CPT1A: variants seen among roughly 807,000 people sequenced by gnomAD.
CPT1A encodes carnitine O-palmitoyltransferase 1, liver isoform.
CPT1A carries 64 observed loss-of-function variants against 100.8 expected under a neutral mutation model. That is an observed-to-expected ratio of 0.63 (90% CI 0.52 to 0.78). The LOEUF is 0.78. CPT1A is among the 30% of genes least tolerant of loss of function. The pLI is 0.00. For missense variants in CPT1A, 802 were observed against 1,034.1 expected, an observed-to-expected ratio of 0.78 and a Z score of 3.08; for synonymous variants, 363 against 396.0, an observed-to-expected ratio of 0.92 and a Z score of 0.99.
At chr11:68,762,494 G>C in intron 15 of CPT1A, 133 bp downstream of exon 15, 1 of 1,128,886 alleles carries the variant, frequency 8.9e-7, no homozygotes, top group Non-Finnish European at 1.3e-6. Flanking sequence ...GCAGAGGAAA[G>C]AAGCTGAATT....
chr11:68,774,098 A>G (rs1855076832), intron 13 of CPT1A, among the ~76,000 whole-genome samples: 1 of 152,378 alleles, frequency 6.6e-6, no homozygotes, highest in Non-Finnish European at 1.5e-5. Context: ...CCTCAAGTCA[A>G]GAGGTCAAAC....
Position 68,775,414 on chromosome 11 carries a change from T to A in CPT1A, c.1477A>T (p.Ser493Cys). 6.2e-7 allele frequency: 1 copy of A among 1,614,082 alleles called. No individual in the cohort carries two copies. The highest frequency in any genetic ancestry group is 8.5e-7 in the Non-Finnish European group (1 of 1,179,880). The change falls in exon 13 of 19, where the codon AGC becomes TGC. Residue 493 changes from serine (S) to cysteine (C), a missense_variant. Physicochemically the swap from Ser to Cys is moderately radical, Grantham distance 112. This residue lies in a region of CPT1A where 627 missense variants were observed against 799.3 expected (regional missense o/e 0.78). Coordinates refer to ENST00000265641, the MANE Select transcript of CPT1A (RefSeq NM_001876.4). ...HLWEYVMSID[S>C]LQLGYAEDGH... Reference sequence around the variant, plus strand: ...TCCTCCGCATAGCCCAGCTGGAGGCTGTCAATGGACATGACGTACTGTCAA... The same window carrying A: ...TCCTCCGCATAGCCCAGCTGGAGGCAGTCAATGGACATGACGTACTGTCAA...
At chr11:68,812,246 G>A (rs1430841566) in intron 3 of CPT1A, among the ~76,000 whole-genome samples, 191 bp downstream of exon 3, 1 of 152,176 alleles carries the variant, frequency 6.6e-6, no homozygotes, top group East Asian at 1.9e-4. Context: ...AGGAAAGGCC[G>A]CAGGGGACCG....
Position 68,841,054 on chromosome 11 carries a change from C to G in CPT1A, c.-14+721G>C, listed in dbSNP as rs1351962700. Among the ~76,000 whole-genome samples the G allele has an allele frequency of 6.6e-6, 1 of 152,230 alleles. No homozygotes were observed. Among genetic ancestry groups the G allele is most frequent in the Non-Finnish European group, 1.5e-5 (1 of 68,038 alleles). On this transcript the variant is annotated intron_variant, in intron 1 of 18. Transcript: ENST00000265641. This position sits in a 1 kb window ranked among gnomAD's most constrained non-coding sequence, Gnocchi z 6.3. ...AGCGCTCGGACCGCGCCTGGAGTCC[C>G]TGCGCCAAGGGCGTGTCCCGACGGC...
chr11:68,796,174 T>C (rs1004916689), intron 7 of CPT1A, among the ~76,000 whole-genome samples: 2 of 152,094 alleles, frequency 1.3e-5, no homozygotes, highest in Non-Finnish European at 2.9e-5. Flanking sequence ...GGTGGCAGGA[T>C]CTTGGCCAAC....
At chr11:68,797,797 A>T (rs747064330) in intron 6 of CPT1A, among the ~76,000 whole-genome samples, 8 of 152,056 alleles carry the variant, frequency 5.3e-5, no homozygotes, top group Non-Finnish European at 1.2e-4. Flanking sequence ...GGCCAACATG[A>T]TGAAACCCCG....
At chr11:68,821,985 T>C (rs567740840) in intron 1 of CPT1A, among the ~76,000 whole-genome samples, 16 of 152,164 alleles carry the variant, frequency 1.1e-4, no homozygotes, top group African/African-American at 3.4e-4. Context: ...TGATAGCAAG[T>C]GTTGGTGAGG....
intron 14 of CPT1A, among the ~76,000 whole-genome samples, chr11:68,769,210 T>C (rs1306393305): frequency 1.3e-5 from 2 of 152,148 alleles, no homozygotes; most frequent in East Asian, 1.9e-4. Context: ...GGCCTGCTTT[T>C]GTACGAGGAC....
chr11:68,776,372 C>T (rs1054567450), intron 12 of CPT1A, among the ~76,000 whole-genome samples: 3 of 152,068 alleles, frequency 2.0e-5, no homozygotes, highest in Non-Finnish European at 4.4e-5. Flanking sequence ...GCACTCCAGC[C>T]TGAGCGACAG....
chr11:68,807,741 G>C, intron 3 of CPT1A, 103 bp from the exon 4 acceptor site: 1 of 1,148,946 alleles, frequency 8.7e-7, no homozygotes. Context: ...GGGTCCAGCA[G>C]CCTGCCCCAG....
chr11:68,826,447 A>C (rs1376506427), intron 1 of CPT1A, among the ~76,000 whole-genome samples: 1 of 150,328 alleles, frequency 6.7e-6, no homozygotes, highest in Non-Finnish European at 1.5e-5. Flanking sequence ...GTCTCAAAAA[A>C]AAAAAGGTCA....
At chr11:68,829,165 A>G (rs1856818393) in intron 1 of CPT1A, among the ~76,000 whole-genome samples, 1 of 152,118 alleles carries the variant, frequency 6.6e-6, no homozygotes. Context: ...TGTTCACTCC[A>G]GTCCCCAGAA....
At chr11:68,793,881 T>C (rs1328017611) in intron 8 of CPT1A, among the ~76,000 whole-genome samples, 1 of 152,224 alleles carries the variant, frequency 6.6e-6, no homozygotes, top group Non-Finnish European at 1.5e-5. Context: ...GAATGATTCG[T>C]TGGGGGACTC....
intron 1 of CPT1A, among the ~76,000 whole-genome samples, chr11:68,840,936 C>T (rs1473010027): frequency 2.0e-5 from 3 of 152,082 alleles, no homozygotes; most frequent in African/African-American, 7.2e-5. Context: ...ACATGCTCCG[C>T]GCCCACCCGC....
chr11:68,812,250 G>C (rs1179160294), intron 3 of CPT1A, among the ~76,000 whole-genome samples, 187 bp downstream of exon 3: 1 of 152,176 alleles, frequency 6.6e-6, no homozygotes, highest in Non-Finnish European at 1.5e-5. Flanking sequence ...AAGGCCGCAG[G>C]GGACCGCAAA....
In CPT1A at chr11:68,785,812, A is replaced by G. The variant is rs1468961319; in HGVS notation, c.968-802T>C. On this transcript the variant is annotated intron_variant, in intron 9 of 18. Transcript: ENST00000265641. ...AGAAAATATGCTGAGAAACATTCCG[A>G]TAATTGTTTCTGAGAACCCGAGAAA... 26 of 561,236 alleles carry G rather than the reference A, an allele frequency of 4.6e-5. No homozygotes were observed. The East Asian group carries it at 5.3e-4, about 12-fold the overall frequency. The allele number at this position is 561,236 out of a possible 1,614,324, so 34.8% of individuals were successfully genotyped here. A position where few individuals can be genotyped will look rare whatever the true frequency, so the allele number is the denominator to read the frequency against.
intron 1 of CPT1A, chr11:68,839,533 C>A: frequency 1.0e-6 from 1 of 985,462 alleles, no homozygotes; most frequent in East Asian, 1.1e-4. Flanking sequence ...CCAGCGACAG[C>A]GGGAGAAATG....
At chr11:68,821,449 G>A (rs1033334446) in intron 1 of CPT1A, among the ~76,000 whole-genome samples, 8 of 150,744 alleles carry the variant, frequency 5.3e-5, no homozygotes, top group Admixed American at 3.3e-4. Flanking sequence ...CACCGCGCCC[G>A]GCCTACATTT....
chr11:68,842,617 T>A (rs996630336), upstream of CPT1A, among the ~76,000 whole-genome samples: 6 of 152,052 alleles, frequency 3.9e-5, no homozygotes, highest in African/African-American at 1.2e-4. Context: ...TTGGTGAGAT[T>A]TACTAAAATA....
Sources: allele counts gnomAD v4.1 joint callset (sites outside exome capture counted in the v4.1 genomes callset), GRCh38; gene constraint gnomAD v4.1.1; regional missense constraint gnomAD v4.1.1; non-coding constraint Gnocchi (gnomAD v3.1); transcripts MANE v1.5; gene names NCBI Gene and HGNC (gene_info 2026-07-23, HGNC 2026-07-21).